The following TAOK1 variants were observed in gnomAD, a reference collection of about 807,000 sequenced individuals.
TAOK1 encodes the protein serine/threonine-protein kinase TAO1.
In TAOK1, 21 loss-of-function variants were observed where a neutral mutation model predicts 138.3. The observed-to-expected ratio is 0.15, with a 90% CI of 0.11 to 0.22. TAOK1 has a LOEUF of 0.22. Ranked by LOEUF, TAOK1 falls within the 10% of genes least tolerant of loss-of-function variation. TAOK1 has a pLI of 1.00. For missense variants in TAOK1, 651 were observed against 1,227.7 expected (o/e 0.53, Z 7.02); for synonymous variants, 361 against 398.4 (o/e 0.91, Z 1.12).
At chr17:29,471,207 A>C (rs140308719) in intron 3 of TAOK1, among the ~76,000 whole-genome samples, 1 of 151,466 alleles carries the variant, frequency 6.6e-6, no homozygotes, top group Admixed American at 6.6e-5. Flanking sequence ...ACCGTAGTCC[A>C]TTAAGTGTGC....
At chr17:29,522,579 C>G in intron 17 of TAOK1, 60 bp downstream of exon 17, 1 of 1,590,984 alleles carries the variant, frequency 6.3e-7, no homozygotes, top group Non-Finnish European at 8.6e-7. Flanking sequence ...TCCATGTAAG[C>G]AGGAAAAGTC....
At chr17:29,460,666 G>A (rs1260105696) in intron 2 of TAOK1, among the ~76,000 whole-genome samples, 2 of 152,178 alleles carry the variant, frequency 1.3e-5, no homozygotes, top group Non-Finnish European at 2.9e-5. Context: ...AACCACTGAA[G>A]TACAACAGAA....
At chr17:29,464,698 A>G (rs1352094889) in intron 2 of TAOK1, among the ~76,000 whole-genome samples, 1 of 152,148 alleles carries the variant, frequency 6.6e-6, no homozygotes, top group Non-Finnish European at 1.5e-5. Context: ...ATGTGGCTAG[A>G]TCTACTTCAC....
Position 29,480,383 on chromosome 17 carries a change from A to G in TAOK1, c.465A>G (p.Gly155=). The change falls in exon 7 of 20, where the codon GGA becomes GGG. Residue 155 remains glycine, a synonymous_variant. Transcript: ENST00000261716. ...HTMIHRDIKA[G]NILLTEPGQV... The stretch of plus-strand genomic sequence containing the variant: ...CTAAACCTAGAGATATCAAAGCAGG[A>G]AATATCCTTCTGACAGAACCAGGCC... The G allele has an allele frequency of 6.2e-7, 1 of 1,612,760 alleles. No individual in the cohort carries two copies. Among genetic ancestry groups the G allele is most frequent in the South Asian group, 1.1e-5 (1 of 90,902 alleles).
chr17:29,502,505 A>G, intron 12 of TAOK1, 84 bp from the exon 13 acceptor site: 1 of 1,413,590 alleles, frequency 7.1e-7, no homozygotes, highest in Non-Finnish European at 9.5e-7. Context: ...TTGATTGATC[A>G]AGTTGTCTTT....
chr17:29,483,742 A>G lies in TAOK1; in HGVS notation c.655+1454A>G, dbSNP rs573727644. On this transcript the variant is annotated intron_variant, in intron 8 of 19. Transcript: ENST00000261716. ...ACAGAGATTTGGAGATTACCATGTC[A>G]TACTTGGGATTTCTTTGTCTTAATT... Among the ~76,000 whole-genome samples the G allele has an allele frequency of 5.3e-5, 8 of 152,288 alleles. No homozygotes were observed. The East Asian group carries it at 9.7e-4, about 18-fold the overall frequency.
intron 3 of TAOK1, among the ~76,000 whole-genome samples, chr17:29,474,739 T>C (rs2030903602): frequency 6.6e-6 from 1 of 152,076 alleles, no homozygotes; most frequent in Admixed American, 6.6e-5. Flanking sequence ...GTTTCAAATA[T>C]TGTGAGAGTT....
rs943052340 is a variant in TAOK1 at position 29,394,167 on chromosome 17, T to G, written c.-95+3143T>G. Among the ~76,000 whole-genome samples, 25 of 125,944 alleles carry G rather than the reference T, an allele frequency of 2.0e-4. No individual in the cohort carries two copies. The Admixed American group carries it at 2.1e-3, about 10-fold the overall frequency. The allele number at this position is 125,944 out of a possible 152,430, so 82.6% of individuals were successfully genotyped here. A position where few individuals can be genotyped will look rare whatever the true frequency, so the allele number is the denominator to read the frequency against. On this transcript the variant is annotated intron_variant, in intron 1 of 19. Transcript: ENST00000261716. ...ATTTGCCAGTTTTTTTTTTTTTTTT[T>G]TTTTTTTTTTTTTTTTGAGACGGAG...
chr17:29,419,891 G>GT lies in TAOK1; in HGVS notation c.-95+28873dup, dbSNP rs1222459823. Among the ~76,000 whole-genome samples, 3 of 151,990 alleles carry GT rather than the reference G, an allele frequency of 2.0e-5. No individual in the cohort carries two copies. In the East Asian group the frequency reaches 5.8e-4, roughly 29 times the overall value. ...CATAAAATTGTTTTTTTGTTTGTTT[G>GT]TTTTTTGAGACAGGGTCTCACTCTG... is the stretch of plus-strand genomic sequence containing the variant. On this transcript the variant is annotated intron_variant, in intron 1 of 19. Transcript: ENST00000261716.
intron 1 of TAOK1, among the ~76,000 whole-genome samples, chr17:29,413,024 T>C (rs547005574): frequency 6.6e-6 from 1 of 152,294 alleles, no homozygotes; most frequent in East Asian, 1.9e-4. Context: ...TATCTGTGGC[T>C]AAAAACATTA....
chr17:29,397,684 C>CATGTATGACACATGTATAT (rs1555555367), intron 1 of TAOK1, among the ~76,000 whole-genome samples: 4 of 128,132 alleles, frequency 3.1e-5, no homozygotes, highest in East Asian at 2.2e-4. Flanking sequence ...TACATGTATA[C>CATGTATGACACATGTATAT]ATGTATATTC....
At chr17:29,490,154 A>G (rs538101312) in intron 9 of TAOK1, among the ~76,000 whole-genome samples, 3 of 152,170 alleles carry the variant, frequency 2.0e-5, no homozygotes, top group Non-Finnish European at 2.9e-5. Flanking sequence ...TTTATAATTT[A>G]TATGATATAA....
chr17:29,489,296 A>G (rs1340280651), intron 8 of TAOK1, among the ~76,000 whole-genome samples: 1 of 152,124 alleles, frequency 6.6e-6, no homozygotes, highest in Non-Finnish European at 1.5e-5. Flanking sequence ...TCAAGAGTTC[A>G]AGACCATCTT....
chr17:29,442,237 G>A (rs2029961694), intron 1 of TAOK1, among the ~76,000 whole-genome samples: 1 of 151,436 alleles, frequency 6.6e-6, no homozygotes, highest in South Asian at 2.1e-4. Context: ...GTAGAGATGG[G>A]GTCTCCCTAG....
At chr17:29,525,082 C>T (rs557311859) in intron 17 of TAOK1, among the ~76,000 whole-genome samples, 102 of 149,378 alleles carry the variant, frequency 6.8e-4, no homozygotes, top group Non-Finnish European at 1.3e-3. Context: ...TTACAGTATT[C>T]CTGGCACAAT....
At chr17:29,464,011 A>C (rs929208585) in intron 2 of TAOK1, among the ~76,000 whole-genome samples, 2 of 152,216 alleles carry the variant, frequency 1.3e-5, no homozygotes, top group East Asian at 3.9e-4. Context: ...AAATGAAAGA[A>C]GTCAATTACA....
At position 29,489,852 on chromosome 17, in the gene TAOK1, A is replaced by G. The variant is rs896177635; in HGVS notation, c.749+95A>G. 10 of 796,690 alleles carry G rather than the reference A, an allele frequency of 1.3e-5. No individual in the cohort carries two copies. The African/African-American group carries it at 1.8e-4, about 14-fold the overall frequency. 49.4% of individuals were successfully genotyped at this position (796,690 alleles called of 1,614,324 possible). On this transcript the variant is annotated intron_variant, in intron 9 of 19. Transcript: ENST00000261716. ...AAGTGATTTAATTTCAGTTAGGTAA[A>G]ATGTATCACCTTATAAGATATTAAA...
chr17:29,483,566 T>C (rs894758749), intron 8 of TAOK1, among the ~76,000 whole-genome samples: 4 of 152,204 alleles, frequency 2.6e-5, no homozygotes, highest in Admixed American at 6.5e-5. Flanking sequence ...TTACGATTTC[T>C]ATTACAACCA....
At position 29,397,837 on chromosome 17, in the gene TAOK1, GTATA is replaced by G. The variant is rs765173532; in HGVS notation, c.-95+6823_-95+6826del. On this transcript the variant is annotated intron_variant, in intron 1 of 19. Coordinates refer to ENST00000261716, the MANE Select transcript of TAOK1 (RefSeq NM_020791.4). The stretch of plus-strand genomic sequence containing the variant: ...TATGTATATACATGTATATATATGT[GTATA>G]TATATATATGTATGTCACCATTTAC... Among the ~76,000 whole-genome samples the G allele has an allele frequency of 6.8e-3, 1,000 of 147,532 alleles. 43 individuals are homozygous for G. Among genetic ancestry groups the G allele is most frequent in the Admixed American group, 0.059 (874 of 14,894 alleles).
Sources: gnomAD v4.1 joint callset for allele counts (sites outside exome capture counted in the v4.1 genomes callset) on GRCh38, gnomAD v4.1.1 for gene constraint, MANE v1.5 for transcripts, NCBI Gene and HGNC (gene_info 2026-07-23, HGNC 2026-07-21) for gene names.